The following UNC13B variants were observed in gnomAD, a reference collection of about 807,000 sequenced individuals.
The protein encoded by UNC13B is unc-13 homolog B, also known as protein unc-13 homolog B.
UNC13B carries 144 observed loss-of-function variants against 211.0 expected under a neutral mutation model. That is an observed-to-expected ratio of 0.68 (90% CI 0.60 to 0.78). The LOEUF is 0.78. UNC13B is among the 30% of genes least tolerant of loss of function. UNC13B has a pLI of 0.00. For synonymous variants in UNC13B, 709 were observed against 725.8 expected, an observed-to-expected ratio of 0.98 and a Z score of 0.37; for missense variants, 1,777 against 2,002.0, an observed-to-expected ratio of 0.89 and a Z score of 2.14.
rs545613595 is a variant in UNC13B at position 35,164,124 on chromosome 9, C to T, written c.22+1819C>T. ...CTCCACCTCCTGGGTTCAAGTGATT[C>T]TCATGCCTCAGCCTCCCGAGCAGCT... is the stretch of plus-strand genomic sequence containing the variant. On this transcript the variant is annotated intron_variant, in intron 1 of 39. Transcript: ENST00000635942. 1.2e-4 allele frequency among the ~76,000 whole-genome samples: 18 copies of T among 152,298 alleles called. 1 individual carries two copies. The South Asian group carries it at 1.9e-3, about 16-fold the overall frequency.
At chr9:35,235,818 A>C (rs1825468272) in intron 3 of UNC13B, among the ~76,000 whole-genome samples, 1 of 152,220 alleles carries the variant, frequency 6.6e-6, no homozygotes, top group South Asian at 2.1e-4. Flanking sequence ...GTTAGTTAAC[A>C]ATAAAACATA....
chr9:35,377,350 ACT>A, intron 15 of UNC13B, 116 bp from the exon 16 acceptor site: 1 of 1,051,120 alleles, frequency 9.5e-7, no homozygotes, highest in Non-Finnish European at 1.4e-6. Context: ...ATTGCTGAGA[ACT>A]AGCAACCAGG....
intron 11 of UNC13B, among the ~76,000 whole-genome samples, chr9:35,323,045 A>T (rs1324052321): frequency 6.6e-6 from 1 of 151,808 alleles, no homozygotes. Flanking sequence ...CAGTTTTCCT[A>T]CTTCAGATTC....
At chr9:35,317,519 T>G (rs1417454845) in intron 11 of UNC13B, among the ~76,000 whole-genome samples, 1 of 53,234 alleles carries the variant, frequency 1.9e-5, no homozygotes, top group Admixed American at 1.6e-4. Flanking sequence ...CTAAAGAAGC[T>G]TTTTTTTTTT....
At chr9:35,296,084 T>C (rs547312341) in intron 8 of UNC13B, among the ~76,000 whole-genome samples, 154 bp downstream of exon 8, 3 of 152,224 alleles carry the variant, frequency 2.0e-5, no homozygotes, top group Non-Finnish European at 4.4e-5. Context: ...ATTATTAGTC[T>C]TTTTTTTCTT....
At position 35,163,623 on chromosome 9, in the gene UNC13B, G is replaced by T. The variant is rs78149791; in HGVS notation, c.22+1318G>T. ...AGGTTGGACTTTGCTGTGTCTCTTGGACAGTTTAATTCTCTACGGCCACAC... is the reference window on the plus strand; with the variant it reads ...AGGTTGGACTTTGCTGTGTCTCTTGTACAGTTTAATTCTCTACGGCCACAC... On this transcript the variant is annotated intron_variant, in intron 1 of 39. Coordinates refer to ENST00000635942, the MANE Select transcript of UNC13B (RefSeq NM_001371189.2). Among the ~76,000 whole-genome samples the T allele has an allele frequency of 1.5e-3, 223 of 152,308 alleles. 1 individual carries two copies. The highest frequency in any genetic ancestry group is 2.5e-3 in the Non-Finnish European group (172 of 68,030).
Position 35,306,862 on chromosome 9 carries a change from T to C in UNC13B, c.7458T>C (p.Pro2486=). The C allele has an allele frequency of 2.5e-6, 1 of 399,074 alleles. No homozygotes were observed. Among genetic ancestry groups the C allele is most frequent in the East Asian group, 3.6e-5 (1 of 28,084 alleles). 24.7% of individuals were successfully genotyped at this position (399,074 alleles called of 1,614,324 possible). Residue 2486 remains proline (P), a synonymous_variant, in exon 9 of 40, where the codon CCT becomes CCC. Coordinates refer to ENST00000635942, the MANE Select transcript of UNC13B (RefSeq NM_001371189.2). The stretch of plus-strand genomic sequence containing the variant: ...CACTCTCTGGACTTTTCTCCTCTCC[T>C]AAATCTCCAAAGAAAAACTCCTTTT... ...PKTLSGLFSS[P]KSPKKNSFFS...
chr9:35,203,299 T>C (rs1823432027), intron 1 of UNC13B, among the ~76,000 whole-genome samples: 1 of 152,218 alleles, frequency 6.6e-6, no homozygotes, highest in Non-Finnish European at 1.5e-5. Context: ...TGGTACTGGT[T>C]GTTCCTTTCC....
intron 22 of UNC13B, 25 bp from the exon 23 acceptor site, chr9:35,385,699 C>T: frequency 6.3e-7 from 1 of 1,586,146 alleles, no homozygotes; most frequent in African/African-American, 1.3e-5. Flanking sequence ...CTGTTCCTTT[C>T]TTACATTTGC....
At chr9:35,350,768 C>G (rs565074115) in intron 11 of UNC13B, among the ~76,000 whole-genome samples, 1 of 152,280 alleles carries the variant, frequency 6.6e-6, no homozygotes, top group East Asian at 1.9e-4. Context: ...GAACGGTTGC[C>G]ATCACTCAAC....
chr9:35,358,686 T>TAAA (rs1377572921), intron 11 of UNC13B, among the ~76,000 whole-genome samples: 1 of 150,088 alleles, frequency 6.7e-6, no homozygotes, highest in African/African-American at 2.5e-5. Context: ...TATTTAGGTC[T>TAAA]ATGATTTTTT....
chr9:35,314,373 CA>C (rs1830339804), intron 11 of UNC13B, among the ~76,000 whole-genome samples: 1 of 152,032 alleles, frequency 6.6e-6, no homozygotes, highest in South Asian at 2.1e-4. Context: ...AAACAGGGTA[CA>C]AAAATATCTA....
intron 11 of UNC13B, among the ~76,000 whole-genome samples, chr9:35,324,619 T>G (rs1830910019): frequency 1.3e-5 from 2 of 152,194 alleles, no homozygotes; most frequent in African/African-American, 2.4e-5. Context: ...TTTATCTTAT[T>G]GGACCTCTTT....
At chr9:35,382,262 G>A in intron 20 of UNC13B, 95 bp from the exon 21 acceptor site, 1 of 1,507,468 alleles carries the variant, frequency 6.6e-7, no homozygotes, top group East Asian at 2.3e-5. Context: ...TGCCCTGGCT[G>A]TGCTTCATTT....
chr9:35,268,182 A>G (rs1326361674), intron 7 of UNC13B, among the ~76,000 whole-genome samples: 1 of 152,116 alleles, frequency 6.6e-6, no homozygotes, highest in African/African-American at 2.4e-5. Flanking sequence ...GCAGAAAAAC[A>G]TTCGTTTTTC....
At chr9:35,247,968 T>C (rs1229259534) in intron 6 of UNC13B, among the ~76,000 whole-genome samples, 2 of 152,330 alleles carry the variant, frequency 1.3e-5, no homozygotes, top group East Asian at 3.9e-4. Flanking sequence ...AATTCGGCTG[T>C]GAATCTGTCT....
intron 1 of UNC13B, among the ~76,000 whole-genome samples, chr9:35,201,076 T>C (rs1396115280): frequency 6.6e-6 from 1 of 152,210 alleles, no homozygotes; most frequent in East Asian, 1.9e-4. Flanking sequence ...AGGCCTTTTC[T>C]GCATCTATTG....
At chr9:35,176,722 T>G (rs1821656300) in intron 1 of UNC13B, among the ~76,000 whole-genome samples, 1 of 152,074 alleles carries the variant, frequency 6.6e-6, no homozygotes. Context: ...AATATAAAAT[T>G]ACGAGTAGGA....
intron 7 of UNC13B, among the ~76,000 whole-genome samples, chr9:35,286,827 C>T (rs943363925): frequency 2.0e-5 from 3 of 152,150 alleles, no homozygotes; most frequent in Non-Finnish European, 4.4e-5. Flanking sequence ...GGTGGTGCAT[C>T]GCAAATCCAC....
Sources: gnomAD v4.1 joint callset for allele counts (sites outside exome capture counted in the v4.1 genomes callset) on GRCh38, gnomAD v4.1.1 for gene constraint, MANE v1.5 for transcripts, NCBI Gene and HGNC (gene_info 2026-07-23, HGNC 2026-07-21) for gene names.